INTS3: variants seen among roughly 807,000 people sequenced by gnomAD.
INTS3 encodes the protein SOSS complex subunit A.
Under a neutral mutation model 146.3 loss-of-function variants are expected in INTS3, and 34 were observed. The observed-to-expected ratio is 0.23, with a 90% confidence interval of 0.18 to 0.31. The LOEUF (loss-of-function observed/expected upper bound fraction) is 0.31. Ranked by LOEUF, INTS3 falls within the 10% of genes least tolerant of loss-of-function variation. The pLI is 1.00. For missense variants in INTS3, 757 were observed against 1,304.2 expected (o/e 0.58, Z 6.46); for synonymous variants, 475 against 494.9 (o/e 0.96, Z 0.53).
Position 153,747,291 on chromosome 1 carries a change from G to C in INTS3, c.445G>C (p.Val149Leu), listed in dbSNP as rs1248791114. 6.2e-7 allele frequency: 1 copy of C among 1,614,030 alleles called. No individual in the cohort carries two copies. The highest frequency in any genetic ancestry group is 1.7e-5 in the Admixed American group (1 of 60,014). ...DTCRTQLVWLVRELVKSGVLG... is the reference protein window; with the variant it reads ...DTCRTQLVWLLRELVKSGVLG... Reference sequence around the variant, plus strand: ...CTCTTTCCTTTAGTTGGTGTGGTTGGTACGGGAACTGGTGAAGAGTGGGGT... The same window carrying C: ...CTCTTTCCTTTAGTTGGTGTGGTTGCTACGGGAACTGGTGAAGAGTGGGGT... Residue 149 changes from valine (V) to leucine (L), a missense_variant, in exon 5 of 30, where the codon GTA becomes CTA. Physicochemically the swap from Val to Leu is conservative, Grantham distance 32 (BLOSUM62 1). This residue lies in a region of INTS3 where 160 missense variants were observed against 193.7 expected (regional missense o/e 0.83). Coordinates refer to ENST00000318967, the MANE Select transcript of INTS3 (RefSeq NM_023015.5).
chr1:153,732,855 G>A (rs1018245098), intron 1 of INTS3, among the ~76,000 whole-genome samples: 23 of 150,856 alleles, frequency 1.5e-4, no homozygotes, highest in African/African-American at 5.4e-4. Flanking sequence ...CCAGACTGGA[G>A]TGCAGTGGCA....
intron 1 of INTS3, among the ~76,000 whole-genome samples, chr1:153,736,883 C>T (rs1290714757): frequency 6.6e-6 from 1 of 151,384 alleles, no homozygotes. Context: ...CCTGCCTCAG[C>T]TTCCTGAGTA....
chr1:153,746,418 T>C (rs910184355), intron 3 of INTS3, among the ~76,000 whole-genome samples: 4 of 148,534 alleles, frequency 2.7e-5, no homozygotes, highest in Non-Finnish European at 3.0e-5. Flanking sequence ...GAGACAGAGT[T>C]TCGCTCCGTC....
chr1:153,740,856 C>T (rs530043315), intron 2 of INTS3, 122 bp downstream of exon 2: 1 of 786,710 alleles, frequency 1.3e-6, no homozygotes, highest in East Asian at 2.5e-5. Context: ...GTCTTGGCTC[C>T]CTGAATCAAA....
intron 1 of INTS3, among the ~76,000 whole-genome samples, chr1:153,733,197 C>CTTTTTTT (rs60492889): frequency 2.3e-5 from 1 of 42,728 alleles, no homozygotes; most frequent in Non-Finnish European, 4.1e-5. Context: ...TTACCGAATG[C>CTTTTTTT]TTTTTTTTTT....
chr1:153,735,914 G>T (rs1671265267), intron 1 of INTS3, among the ~76,000 whole-genome samples: 2 of 152,032 alleles, frequency 1.3e-5, no homozygotes, highest in South Asian at 2.1e-4. Context: ...GTAGAGATGG[G>T]GTTGGGGGGG....
At position 153,772,422 on chromosome 1, in the gene INTS3, A is replaced by G; in HGVS notation, c.2803A>G (p.Thr935Ala). The change falls in exon 27 of 30, where the codon ACC (threonine) becomes GCC (alanine). Residue 935 changes from threonine to alanine, a missense_variant. Around this residue, in one of 8 missense-constraint regions of INTS3, gnomAD observed 125 missense variants for 165.6 expected, o/e 0.75. Transcript: ENST00000318967. This position sits in a 1 kb window ranked among gnomAD's most constrained non-coding sequence, Gnocchi z 4.6. ...CTTGGACAATCTGCGGCTCAACCTG[A>G]CCAACACCAAGCAGAACTGTATGCC... ...EHLDNLRLNL[T>A]NTKQNFFSQT... is the part of the protein sequence containing the mutation. The G allele has an allele frequency of 6.2e-7, 1 of 1,613,994 alleles. No homozygotes were observed. The highest frequency in any genetic ancestry group is 8.5e-7 in the Non-Finnish European group (1 of 1,180,004).
chr1:153,758,087 C>G (rs1672228129), intron 10 of INTS3, among the ~76,000 whole-genome samples: 2 of 152,286 alleles, frequency 1.3e-5, no homozygotes, highest in South Asian at 4.1e-4. Flanking sequence ...CTGTTTCTTT[C>G]TCAGATTCAG....
chr1:153,770,592 C>A, intron 24 of INTS3, 93 bp from the exon 25 acceptor site: 1 of 1,050,230 alleles, frequency 9.5e-7, no homozygotes, highest in East Asian at 2.4e-5. Context: ...TGTCCTTATT[C>A]CCTCCAGTGG....
chr1:153,739,887 C>T lies in INTS3; in HGVS notation c.151-764C>T, dbSNP rs570086729. 3.4e-3 allele frequency among the ~76,000 whole-genome samples: 508 copies of T among 151,040 alleles called. 7 individuals are homozygous for T. The highest frequency in any genetic ancestry group is 0.012 in the African/African-American group (478 of 41,152). On this transcript the variant is annotated intron_variant, in intron 1 of 29. Coordinates refer to ENST00000318967, the MANE Select transcript of INTS3 (RefSeq NM_023015.5). The stretch of plus-strand genomic sequence containing the variant: ...TCTGCTCACTGCAACCTCTGCCTCC[C>T]GGGTTCAAGCAATTCTCCTGCCTCA...
chr1:153,751,024 C>T, intron 6 of INTS3, 71 bp from the exon 7 acceptor site: 1 of 1,505,364 alleles, frequency 6.6e-7, no homozygotes, highest in East Asian at 2.3e-5. Flanking sequence ...TAGCCAAGCC[C>T]AAGAAGCGTG....
At chr1:153,760,423 C>G (rs1001059181) in intron 12 of INTS3, 33 bp downstream of exon 12, 7 of 1,555,018 alleles carry the variant, frequency 4.5e-6, no homozygotes, top group Middle Eastern at 3.4e-4. Flanking sequence ...CTCCCCATGC[C>G]TGGATGAGCA....
In INTS3 at chr1:153,773,787, G is replaced by T; in HGVS notation, c.*517G>T. 5.7e-6 allele frequency: 1 copy of T among 176,408 alleles called. No homozygotes were observed. The allele number at this position is 176,408 out of a possible 1,614,324, so 10.9% of individuals were successfully genotyped here. Reference sequence around the variant, plus strand: ...GTGTGAAATGGGCATCTATGACGTGGTCAGGGTGTCCATTCCTAATCATGG... The same window carrying T: ...GTGTGAAATGGGCATCTATGACGTGTTCAGGGTGTCCATTCCTAATCATGG... On this transcript the variant is annotated 3_prime_UTR_variant, in exon 30 of 30. Coordinates refer to ENST00000318967, the MANE Select transcript of INTS3 (RefSeq NM_023015.5).
At chr1:153,770,524 T>TGGCTCAGGG (rs1407829165) in intron 24 of INTS3, among the ~76,000 whole-genome samples, 161 bp from the exon 25 acceptor site, 1 of 152,124 alleles carries the variant, frequency 6.6e-6, no homozygotes, top group East Asian at 1.9e-4. Flanking sequence ...GGGGCTCAGG[T>TGGCTCAGGG]GGCTCAGGGA....
At position 153,741,289 on chromosome 1, in the gene INTS3, G is replaced by C; in HGVS notation, c.239G>C (p.Cys80Ser). The change falls in exon 3 of 30, where the codon TGC becomes TCC. Residue 80 changes from cysteine to serine, a missense_variant. Physicochemically the swap from Cys to Ser is moderately radical, Grantham distance 112 (BLOSUM62 -1). This residue lies in a region of INTS3 where 160 missense variants were observed against 193.7 expected (regional missense o/e 0.83). Transcript: ENST00000318967. ...EANDALNAYVCKGLPQHEEIC... is the reference protein window; with the variant it reads ...EANDALNAYVSKGLPQHEEIC... ...TTTTCCTTTCTCACATTCCAGGTGT[G>C]CAAAGGCCTCCCCCAGCATGAAGAA... The C allele has an allele frequency of 3.7e-6, 6 of 1,613,460 alleles. No individual in the cohort carries two copies. The South Asian group carries it at 6.6e-5, about 18-fold the overall frequency.
At chr1:153,753,069 A>T (rs954566554) in intron 8 of INTS3, among the ~76,000 whole-genome samples, 24 of 151,126 alleles carry the variant, frequency 1.6e-4, no homozygotes, top group Admixed American at 1.5e-3. Context: ...ACACACACAC[A>T]CTCACTCTGA....
intron 10 of INTS3, among the ~76,000 whole-genome samples, chr1:153,758,980 G>A (rs969546098): frequency 1.3e-5 from 2 of 151,920 alleles, no homozygotes; most frequent in African/African-American, 4.8e-5. Context: ...GCCACGCATG[G>A]TGGTGTGCTC....
intron 1 of INTS3, among the ~76,000 whole-genome samples, chr1:153,735,785 C>G (rs913860455): frequency 6.6e-6 from 1 of 152,162 alleles, no homozygotes; most frequent in African/African-American, 2.4e-5. Context: ...TACAGTGGTG[C>G]AATCACGGTT....
At chr1:153,768,823 A>C in intron 21 of INTS3, 70 bp from the exon 22 acceptor site, 1 of 1,191,810 alleles carries the variant, frequency 8.4e-7, no homozygotes, top group East Asian at 2.3e-5. Flanking sequence ...GTAATAAGGA[A>C]GGAGAGTGGG....
Sources: gnomAD v4.1 joint callset for allele counts (sites outside exome capture counted in the v4.1 genomes callset) on GRCh38, gnomAD v4.1.1 for gene constraint, gnomAD v4.1.1 regional missense constraint, Gnocchi (gnomAD v3.1) non-coding constraint, MANE v1.5 for transcripts, NCBI Gene and HGNC (gene_info 2026-07-23, HGNC 2026-07-21) for gene names.